Variants in SFMBT2 observed in about 807,000 individuals in gnomAD.
The protein encoded by SFMBT2 is scm-like with four MBT domains protein 2.
Under a neutral mutation model 110.1 loss-of-function variants are expected in SFMBT2, and 38 were observed. The ratio of observed to expected loss-of-function variants is 0.35; its 90% CI spans 0.27 to 0.45. The LOEUF is 0.45. SFMBT2 is among the 20% of genes least tolerant of loss of function. SFMBT2 has a pLI of 1.00. For missense variants in SFMBT2, 1,011 were observed against 1,094.9 expected (o/e 0.92, Z 1.08); for synonymous variants, 425 against 425.4 (o/e 1.00, Z 0.01).
At chr10:7,201,540 A>G (rs1838958233) in intron 13 of SFMBT2, among the ~76,000 whole-genome samples, 1 of 152,166 alleles carries the variant, frequency 6.6e-6, no homozygotes, top group Non-Finnish European at 1.5e-5. Flanking sequence ...AAAAATACCT[A>G]CAGAGCTGCT....
chr10:7,216,478 C>T (rs939311309), intron 11 of SFMBT2, among the ~76,000 whole-genome samples: 2 of 152,196 alleles, frequency 1.3e-5, no homozygotes, highest in African/African-American at 4.8e-5. Context: ...GAGGCCTATC[C>T]AGCCATGTGG....
At position 7,206,313 on chromosome 10, in the gene SFMBT2, G is replaced by A. The variant is rs556847447; in HGVS notation, c.1331-385C>T. On this transcript the variant is annotated intron_variant, in intron 11 of 20. Transcript: ENST00000397167. Reference sequence around the variant, plus strand: ...AGAACAGCTCTGGGGTTAAGGGAATGTATCGGAGCTTGGGGTGGGACCTCA... The same window carrying A: ...AGAACAGCTCTGGGGTTAAGGGAATATATCGGAGCTTGGGGTGGGACCTCA... The A allele has an allele frequency of 1.2e-5, 12 of 985,454 alleles. No homozygotes were observed. The South Asian group carries it at 4.7e-4, about 39-fold the overall frequency. 61.0% of individuals were successfully genotyped at this position (985,454 alleles called of 1,614,324 possible). A position where few individuals can be genotyped will look rare whatever the true frequency, so the allele number is the denominator to read the frequency against.
chr10:7,276,866 T>A (rs776867029), intron 7 of SFMBT2, 26 bp downstream of exon 7: 21 of 854,476 alleles, frequency 2.5e-5, no homozygotes, highest in Non-Finnish European at 3.7e-5. Flanking sequence ...AAAGGGTAGA[T>A]ACATTGCTAA....
At chr10:7,210,197 A>G (rs565231816) in intron 11 of SFMBT2, among the ~76,000 whole-genome samples, 12 of 152,306 alleles carry the variant, frequency 7.9e-5, no homozygotes, top group African/African-American at 2.9e-4. Context: ...CCAGCCGATG[A>G]CACAGGTGAC....
intron 1 of SFMBT2, among the ~76,000 whole-genome samples, chr10:7,383,028 CT>C (rs1281470809): frequency 6.6e-6 from 1 of 152,198 alleles, no homozygotes; most frequent in Non-Finnish European, 1.5e-5. Flanking sequence ...CATGGTGTTT[CT>C]CTCATTCATT....
At chr10:7,345,816 A>T (rs750828749) in intron 4 of SFMBT2, among the ~76,000 whole-genome samples, 6 of 152,190 alleles carry the variant, frequency 3.9e-5, no homozygotes, top group Non-Finnish European at 7.3e-5. Context: ...CGAGTGTTCT[A>T]GAATCTCCTG....
chr10:7,246,746 G>C, intron 8 of SFMBT2, among the ~76,000 whole-genome samples: 1 of 148,738 alleles, frequency 6.7e-6, no homozygotes, highest in South Asian at 2.1e-4. Context: ...AAAAAGAATG[G>C]TGAGAGACGC....
rs898763561 is a variant in SFMBT2 at position 7,286,203 on chromosome 10, A to G, written c.437-249T>C. On this transcript the variant is annotated intron_variant, in intron 4 of 20. Coordinates refer to ENST00000397167, the MANE Select transcript of SFMBT2 (RefSeq NM_001387889.1). Reference sequence around the variant, plus strand: ...AGGAGATGAAAGAATCCGAAGTCTTACAGCCTATTTAGAAACTTTTCACAA... The same window carrying G: ...AGGAGATGAAAGAATCCGAAGTCTTGCAGCCTATTTAGAAACTTTTCACAA... 2.0e-4 allele frequency: 31 copies of G among 155,196 alleles called. No individual in the cohort carries two copies. The Admixed American group carries it at 2.0e-3, about 10-fold the overall frequency. The allele number at this position is 155,196 out of a possible 1,614,324, so 9.6% of individuals were successfully genotyped here. A position where few individuals can be genotyped will look rare whatever the true frequency, so the allele number is the denominator to read the frequency against.
chr10:7,264,782 T>C (rs995044118), intron 7 of SFMBT2, among the ~76,000 whole-genome samples: 1 of 152,298 alleles, frequency 6.6e-6, no homozygotes, highest in Middle Eastern at 3.4e-3. Context: ...AAACCCTGGA[T>C]GCCAACCGTA....
chr10:7,262,480 C>T lies in SFMBT2; in HGVS notation c.871-13831G>A, dbSNP rs1015766782. Among the ~76,000 whole-genome samples, 5 of 152,166 alleles carry T rather than the reference C, an allele frequency of 3.3e-5. No homozygotes were observed. The East Asian group carries it at 7.7e-4, about 23-fold the overall frequency. ...ACCTCCAAATCCCATACACCAATTA[C>T]GCTAAGTTCATGCTAATATGATCTC... is the stretch of plus-strand genomic sequence containing the variant. On this transcript the variant is annotated intron_variant, in intron 7 of 20. Coordinates refer to ENST00000397167, the MANE Select transcript of SFMBT2 (RefSeq NM_001387889.1).
chr10:7,261,105 C>G (rs1447802186), intron 7 of SFMBT2, among the ~76,000 whole-genome samples: 1 of 152,086 alleles, frequency 6.6e-6, no homozygotes, highest in South Asian at 2.1e-4. Flanking sequence ...CTGTGCCTCT[C>G]GAGTCAGGTT....
Position 7,170,880 on chromosome 10 carries a change from T to C in SFMBT2, c.2544+48A>G. ...GCTAGGACACGAGGTTCATTTCAGATGCAGAGTCTCAGCACATCAAACAAT... is the reference window on the plus strand; with the variant it reads ...GCTAGGACACGAGGTTCATTTCAGACGCAGAGTCTCAGCACATCAAACAAT... On this transcript the variant is annotated intron_variant, in intron 20 of 20. Transcript: ENST00000397167. The surrounding 1 kb of genome is among the most constrained non-coding windows in gnomAD (Gnocchi z 4.6). 1 of 1,612,114 alleles carries C rather than the reference T, an allele frequency of 6.2e-7. No individual in the cohort carries two copies. Among genetic ancestry groups the C allele is most frequent in the Non-Finnish European group, 8.5e-7 (1 of 1,178,578 alleles).
chr10:7,237,160 C>T (rs1014927906), intron 9 of SFMBT2, among the ~76,000 whole-genome samples: 3 of 152,292 alleles, frequency 2.0e-5, no homozygotes, highest in African/African-American at 7.2e-5. Flanking sequence ...GTACTATCTA[C>T]AGAATTCCAG....
At chr10:7,311,063 AC>A (rs1254116494) in intron 4 of SFMBT2, among the ~76,000 whole-genome samples, 42 of 141,938 alleles carry the variant, frequency 3.0e-4, no homozygotes, top group African/African-American at 6.6e-4. Flanking sequence ...AAAAAAAAAA[AC>A]AAAACAAAAA....
intron 11 of SFMBT2, chr10:7,219,512 T>C (rs1316108238): frequency 6.5e-6 from 1 of 153,854 alleles, no homozygotes; most frequent in Non-Finnish European, 1.4e-5. Flanking sequence ...TATAGATGCA[T>C]AGTGAGGAAA....
intron 1 of SFMBT2, among the ~76,000 whole-genome samples, chr10:7,407,080 C>G (rs149004534): frequency 6.6e-6 from 1 of 151,992 alleles, no homozygotes; most frequent in South Asian, 2.1e-4. Context: ...AGATCTGAGA[C>G]GGTATTTATT....
At chr10:7,372,765 C>G (rs1169533372) in intron 2 of SFMBT2, among the ~76,000 whole-genome samples, 2 of 152,252 alleles carry the variant, frequency 1.3e-5, no homozygotes, top group Non-Finnish European at 2.9e-5. Context: ...CAGCTCAGCA[C>G]TATTGCTCTG....
chr10:7,177,229 G>T (rs909437078), intron 16 of SFMBT2, among the ~76,000 whole-genome samples: 1 of 152,186 alleles, frequency 6.6e-6, no homozygotes, highest in African/African-American at 2.4e-5. Context: ...CAAGGAGAAT[G>T]CACGCTGGAA....
intron 7 of SFMBT2, among the ~76,000 whole-genome samples, chr10:7,255,626 T>G (rs1275168676): frequency 2.0e-5 from 3 of 152,344 alleles, no homozygotes; most frequent in African/African-American, 7.2e-5. Context: ...TGGCAATGTC[T>G]CTTCAGGGAA....
Sources: allele counts gnomAD v4.1 joint callset (sites outside exome capture counted in the v4.1 genomes callset), GRCh38; gene constraint gnomAD v4.1.1; non-coding constraint Gnocchi (gnomAD v3.1); transcripts MANE v1.5; gene names NCBI Gene and HGNC (gene_info 2026-07-23, HGNC 2026-07-21).